AOX1: variants seen among roughly 807,000 people sequenced by gnomAD.
The protein encoded by AOX1 is aldehyde oxidase 1, also known as aldehyde oxidase.
AOX1 carries 153 observed loss-of-function variants against 169.5 expected under a neutral mutation model. The observed-to-expected ratio is 0.90, with a 90% CI of 0.79 to 1.03. The LOEUF is 1.03. Ranked by LOEUF, AOX1 falls within the 50% of genes least tolerant of loss-of-function variation. AOX1 has a pLI of 0.00. For synonymous variants in AOX1, 562 were observed against 581.9 expected (o/e 0.97, Z 0.49); for missense variants, 1,656 against 1,663.9 (o/e 1.00, Z 0.08).
chr2:200,660,206 G>C (rs545627136), intron 29 of AOX1, 137 bp downstream of exon 29: 1 of 704,504 alleles, frequency 1.4e-6, no homozygotes, highest in Non-Finnish European at 2.4e-6. Flanking sequence ...TAAATAAAAG[G>C]CCCTTTGGCT....
At chr2:200,658,039 GATTT>G (rs749738135) in intron 27 of AOX1, among the ~76,000 whole-genome samples, 3 of 152,172 alleles carry the variant, frequency 2.0e-5, no homozygotes, top group Non-Finnish European at 4.4e-5. Context: ...ATACATATAT[GATTT>G]ATTTAACCAT....
At chr2:200,662,055 C>T (rs1237321342) in intron 30 of AOX1, among the ~76,000 whole-genome samples, 3 of 152,124 alleles carry the variant, frequency 2.0e-5, no homozygotes, top group Non-Finnish European at 4.4e-5. Context: ...GAAATTGGAC[C>T]ATAACCATGT....
chr2:200,609,525 A>G, intron 12 of AOX1, 111 bp downstream of exon 12: 1 of 855,688 alleles, frequency 1.2e-6, no homozygotes, highest in Admixed American at 2.3e-5. Context: ...TAATATCAAT[A>G]CATTTCTCTG....
rs190111173 is a variant in AOX1 at position 200,625,400 on chromosome 2, A to G, written c.2124+1417A>G. Among the ~76,000 whole-genome samples the G allele has an allele frequency of 3.1e-3, 477 of 152,226 alleles. 3 individuals are homozygous for G. Among genetic ancestry groups the G allele is most frequent in the African/African-American group, 0.011 (453 of 41,554 alleles). Reference sequence around the variant, plus strand: ...TACCTTCCAGCCAAATAAAAGCCCCAATAAGCAAATATAATAGATGCCACT... The same window carrying G: ...TACCTTCCAGCCAAATAAAAGCCCCGATAAGCAAATATAATAGATGCCACT... On this transcript the variant is annotated intron_variant, in intron 19 of 34. Transcript: ENST00000374700.
At chr2:200,597,160 C>A (rs11694112) in intron 3 of AOX1, among the ~76,000 whole-genome samples, 24,794 of 152,060 alleles carry the variant, frequency 0.16, 2,287 homozygotes, top group Non-Finnish European at 0.21. Flanking sequence ...AATTAGGAGG[C>A]GTAATTTTAA....
At chr2:200,637,615 G>A (rs1255692577) in intron 22 of AOX1, among the ~76,000 whole-genome samples, 3 of 151,824 alleles carry the variant, frequency 2.0e-5, no homozygotes, top group African/African-American at 7.3e-5. Flanking sequence ...GTATATATGT[G>A]TATATATGTA....
chr2:200,604,632 T>C (rs111711074), intron 8 of AOX1, 64 bp from the exon 9 acceptor site: 7 of 1,544,756 alleles, frequency 4.5e-6, no homozygotes, highest in Admixed American at 3.4e-5. Context: ...GTGCTAATGA[T>C]TGAGTGGAAA....
intron 25 of AOX1, among the ~76,000 whole-genome samples, chr2:200,646,318 C>T (rs2035451562): frequency 6.6e-6 from 1 of 152,114 alleles, no homozygotes; most frequent in Admixed American, 6.6e-5. Flanking sequence ...ATTTTTGACC[C>T]AATGCTCATT....
intron 15 of AOX1, 129 bp from the exon 16 acceptor site, chr2:200,615,841 AG>A: frequency 1.5e-6 from 1 of 646,156 alleles, no homozygotes; most frequent in Non-Finnish European, 2.8e-6. Flanking sequence ...GGTTCTGAAT[AG>A]GGTGAGTGCT....
intron 2 of AOX1, among the ~76,000 whole-genome samples, chr2:200,594,382 G>A (rs1417873678): frequency 6.6e-6 from 1 of 152,152 alleles, no homozygotes; most frequent in African/African-American, 2.4e-5. Context: ...CTGTGTTGAA[G>A]GGAGGTCTGT....
chr2:200,621,562 G>A (rs911207322), intron 18 of AOX1, among the ~76,000 whole-genome samples: 1 of 152,058 alleles, frequency 6.6e-6, no homozygotes, highest in Non-Finnish European at 1.5e-5. Flanking sequence ...TCCCTTCCCT[G>A]AGAAGCCCTT....
At chr2:200,603,228 C>A in intron 6 of AOX1, 39 bp from the exon 7 acceptor site, 1 of 1,506,328 alleles carries the variant, frequency 6.6e-7, no homozygotes, top group Non-Finnish European at 9.2e-7. Flanking sequence ...TTAGTAGAAT[C>A]AGCAATAAAT....
intron 16 of AOX1, among the ~76,000 whole-genome samples, chr2:200,616,682 T>G (rs1017905607): frequency 6.6e-6 from 1 of 152,232 alleles, no homozygotes; most frequent in Non-Finnish European, 1.5e-5. Flanking sequence ...TGGAATTTTC[T>G]GCCACATCAT....
At chr2:200,626,996 G>C (rs2035019044) in intron 19 of AOX1, among the ~76,000 whole-genome samples, 1 of 152,220 alleles carries the variant, frequency 6.6e-6, no homozygotes, top group African/African-American at 2.4e-5. Flanking sequence ...ACTGGGTCTA[G>C]AGCCCAGGCT....
intron 23 of AOX1, among the ~76,000 whole-genome samples, chr2:200,639,896 G>A (rs79824701): frequency 0.12 from 18,452 of 151,852 alleles, 1,270 homozygotes; most frequent in Non-Finnish European, 0.16. Context: ...AATTAGCCGG[G>A]CATGGTGGCA....
At chr2:200,634,730 G>C (rs1165094285) in intron 20 of AOX1, 61 bp from the exon 21 acceptor site, 16 of 1,600,408 alleles carry the variant, frequency 1.0e-5, no homozygotes, top group African/African-American at 1.3e-5. Context: ...GATAATACCT[G>C]GGGGACGCTA....
At chr2:200,628,579 A>T (rs534604128) in intron 20 of AOX1, among the ~76,000 whole-genome samples, 8 of 152,266 alleles carry the variant, frequency 5.3e-5, no homozygotes, top group African/African-American at 1.9e-4. Context: ...ATCATCCGGC[A>T]TTATCTGTCT....
intron 10 of AOX1, among the ~76,000 whole-genome samples, chr2:200,608,761 C>G (rs2034568354): frequency 6.6e-6 from 1 of 152,040 alleles, no homozygotes; most frequent in Non-Finnish European, 1.5e-5. Flanking sequence ...ACCACCACAC[C>G]ACCCCCTCAA....
At chr2:200,624,025 A>G (rs1242342414) in intron 19 of AOX1, 42 bp downstream of exon 19, 7 of 1,609,508 alleles carry the variant, frequency 4.3e-6, no homozygotes, top group Non-Finnish European at 5.1e-6. Context: ...TGGGAGCCAG[A>G]ACAAATATCA....
Sources: gnomAD v4.1 joint callset for allele counts (sites outside exome capture counted in the v4.1 genomes callset) on GRCh38, gnomAD v4.1.1 for gene constraint, MANE v1.5 for transcripts, NCBI Gene and HGNC (gene_info 2026-07-23, HGNC 2026-07-21) for gene names.